The following RNF144A variants were observed in gnomAD, a reference collection of about 807,000 sequenced individuals.
RNF144A encodes ring finger protein 144A, also known as E3 ubiquitin-protein ligase RNF144A.
RNF144A carries 11 observed loss-of-function variants against 38.7 expected under a neutral mutation model. That is an observed-to-expected ratio of 0.28 (90% CI 0.18 to 0.47). The LOEUF is 0.47. Ranked by LOEUF, RNF144A falls within the 20% of genes least tolerant of loss-of-function variation. The probability of loss-of-function intolerance (pLI) is 0.99; values close to 1 mark genes in which losing one functional copy is unlikely to be tolerated. For synonymous variants in RNF144A, 149 were observed against 143.9 expected (o/e 1.04, Z -0.25); for missense variants, 316 against 377.2 (o/e 0.84, Z 1.34).
chr2:6,965,551 C>T (rs142496962), intron 2 of RNF144A, among the ~76,000 whole-genome samples: 1 of 152,170 alleles, frequency 6.6e-6, no homozygotes, highest in Non-Finnish European at 1.5e-5. Context: ...AAAACCTAAG[C>T]GCAAACAGCG....
At chr2:7,058,472 T>G (rs1673828489) in intron 6 of RNF144A, among the ~76,000 whole-genome samples, 2 of 152,146 alleles carry the variant, frequency 1.3e-5, no homozygotes, top group African/African-American at 4.8e-5. Flanking sequence ...TATCATCAAA[T>G]TGTGGCCATC....
rs1203654650 is a variant in RNF144A, at chr2:7,003,768, A to C, written c.135+6707A>C. 2.0e-5 allele frequency among the ~76,000 whole-genome samples: 3 copies of C among 152,358 alleles called. No individual in the cohort carries two copies. The East Asian group carries it at 5.8e-4, about 29-fold the overall frequency. ...TGAGCAAAGCCTGCGAGAGGGCAGC[A>C]TGCTTTGCCACCTGCCATGTGGCCA... On this transcript the variant is annotated intron_variant, in intron 3 of 8. Coordinates refer to ENST00000320892, the MANE Select transcript of RNF144A (RefSeq NM_014746.6).
At chr2:7,033,537 C>T (rs957163044) in intron 8 of RNF144A, among the ~76,000 whole-genome samples, 17 of 152,230 alleles carry the variant, frequency 1.1e-4, no homozygotes, top group African/African-American at 2.7e-4. Context: ...TTGCCCTGGC[C>T]GTTGCTGCCA....
intron 5 of RNF144A, among the ~76,000 whole-genome samples, chr2:7,015,624 A>G (rs761911755): frequency 6.6e-6 from 1 of 152,236 alleles, no homozygotes; most frequent in East Asian, 1.9e-4. Flanking sequence ...CTCCGGGGTC[A>G]TACAATGAAA....
chr2:7,016,737 A>C (rs368853907), intron 5 of RNF144A, among the ~76,000 whole-genome samples: 1 of 152,220 alleles, frequency 6.6e-6, no homozygotes. Flanking sequence ...GTTTGGAGAC[A>C]AGATCAGAAA....
At chr2:6,935,354 G>A (rs1665500928) in intron 1 of RNF144A, among the ~76,000 whole-genome samples, 1 of 152,160 alleles carries the variant, frequency 6.6e-6, no homozygotes, top group South Asian at 2.1e-4. Flanking sequence ...CTAAAATCTG[G>A]ACATCTAGCA....
rs562438289 is a variant in RNF144A at position 6,951,122 on chromosome 2, A to C, written c.-12+9975A>C. Among the ~76,000 whole-genome samples the C allele has an allele frequency of 7.9e-5, 12 of 152,298 alleles. No homozygotes were observed. The South Asian group carries it at 8.3e-4, about 11-fold the overall frequency. On this transcript the variant is annotated intron_variant, in intron 2 of 8. Coordinates refer to ENST00000320892, the MANE Select transcript of RNF144A (RefSeq NM_014746.6). ...CTCTCTTATATTTAATAGTTTTAAAAGTATTTAGAATTAACTTTTGTGTGT... is the reference window on the plus strand; with the variant it reads ...CTCTCTTATATTTAATAGTTTTAAACGTATTTAGAATTAACTTTTGTGTGT...
At chr2:7,007,490 C>T (rs766546151) in intron 3 of RNF144A, among the ~76,000 whole-genome samples, 4 of 152,170 alleles carry the variant, frequency 2.6e-5, no homozygotes, top group South Asian at 2.1e-4. Flanking sequence ...CGCACACACT[C>T]GATTTCACAG....
At chr2:6,982,669 G>A (rs976814996) in intron 2 of RNF144A, among the ~76,000 whole-genome samples, 2 of 152,156 alleles carry the variant, frequency 1.3e-5, no homozygotes, top group African/African-American at 4.8e-5. Context: ...GGAGAGAGTG[G>A]TGAGAGCCCT....
At chr2:7,026,353 G>A (rs1671892488) in intron 7 of RNF144A, among the ~76,000 whole-genome samples, 1 of 152,156 alleles carries the variant, frequency 6.6e-6, no homozygotes, top group Non-Finnish European at 1.5e-5. Context: ...TTACTTCCTA[G>A]GCAAGTTTAA....
chr2:6,938,448 A>G (rs1457080595), intron 1 of RNF144A, among the ~76,000 whole-genome samples: 2 of 151,674 alleles, frequency 1.3e-5, no homozygotes, highest in South Asian at 2.1e-4. Flanking sequence ...GGATTTCACC[A>G]TGTTGGCCAG....
rs1272368388 is a variant in RNF144A, at chr2:7,054,710, AC to A, written c.735-13504del. 9.2e-5 allele frequency among the ~76,000 whole-genome samples: 14 copies of A among 152,260 alleles called. No homozygotes were observed. The South Asian group carries it at 2.9e-3, about 32-fold the overall frequency. On this transcript the variant is annotated intron_variant, in intron 6 of 6. Transcript: ENST00000432850. ...CCATGAGAGGACCACAGCAAGGGGCACCATCTTGGAGGCAGAGAGCTGTCCT... is the reference window on the plus strand; with the variant it reads ...CCATGAGAGGACCACAGCAAGGGGCACATCTTGGAGGCAGAGAGCTGTCCT...
At chr2:6,926,214 A>AG (rs1664855242) in intron 1 of RNF144A, among the ~76,000 whole-genome samples, 1 of 152,112 alleles carries the variant, frequency 6.6e-6, no homozygotes, top group Admixed American at 6.5e-5. Context: ...GTGAGAGAGG[A>AG]GGGGGAGTTG....
At chr2:6,960,758 G>A (rs1667283307) in intron 2 of RNF144A, among the ~76,000 whole-genome samples, 1 of 152,222 alleles carries the variant, frequency 6.6e-6, no homozygotes, top group Admixed American at 6.5e-5. Context: ...GTGGAGGTAT[G>A]AGAGTTCTTT....
Position 6,985,605 on chromosome 2 carries a change from C to T in RNF144A, c.-11-11311C>T, listed in dbSNP as rs529848628. Among the ~76,000 whole-genome samples the T allele has an allele frequency of 1.5e-4, 23 of 152,204 alleles. No homozygotes were observed. The East Asian group carries it at 2.3e-3, about 15-fold the overall frequency. On this transcript the variant is annotated intron_variant, in intron 2 of 8. Coordinates refer to ENST00000320892, the MANE Select transcript of RNF144A (RefSeq NM_014746.6). ...ATGGTTTAATAGACGGAATACAACT[C>T]GAGCCACACGTGTAGCATGTGCTCT...
rs1320918434 is a variant in RNF144A at position 7,023,527 on chromosome 2, A to G, written c.510-842A>G. 2.0e-5 allele frequency among the ~76,000 whole-genome samples: 3 copies of G among 152,294 alleles called. No individual in the cohort carries two copies. The East Asian group carries it at 5.8e-4, about 29-fold the overall frequency. The stretch of plus-strand genomic sequence containing the variant: ...AGCAAATGGACCCCCATAATCAGTG[A>G]TAACTCCTCTTAACAGTTTATCATT... On this transcript the variant is annotated intron_variant, in intron 6 of 8. Transcript: ENST00000320892.
In RNF144A at chr2:7,043,119, C is replaced by T. The variant is rs772840591; in HGVS notation, c.*3359C>T. ...CTGACCTCAGGTGATCTGCCCACCTCGGCTTCCCAAAGTGCTGGAATTACA... is the reference window on the plus strand; with the variant it reads ...CTGACCTCAGGTGATCTGCCCACCTTGGCTTCCCAAAGTGCTGGAATTACA... On this transcript the variant is annotated 3_prime_UTR_variant, in exon 9 of 9. Coordinates refer to ENST00000320892, the MANE Select transcript of RNF144A (RefSeq NM_014746.6). 9.3e-5 allele frequency: 84 copies of T among 905,438 alleles called. No homozygotes were observed. The highest frequency in any genetic ancestry group is 5.6e-4 in the Middle Eastern group (1 of 1,796). 56.1% of individuals were successfully genotyped at this position (905,438 alleles called of 1,614,324 possible).
chr2:6,990,935 T>C (rs1317957768), intron 2 of RNF144A, among the ~76,000 whole-genome samples: 3 of 152,226 alleles, frequency 2.0e-5, no homozygotes, highest in Non-Finnish European at 2.9e-5. Context: ...TGGGATCATA[T>C]GTGTGTAGCC....
chr2:7,035,228 C>T (rs1474312109), intron 8 of RNF144A, among the ~76,000 whole-genome samples: 2 of 152,166 alleles, frequency 1.3e-5, no homozygotes, highest in African/African-American at 4.8e-5. Flanking sequence ...AGGCTTTGCT[C>T]CAGCTCCTGC....
Sources: gnomAD v4.1 joint callset for allele counts (sites outside exome capture counted in the v4.1 genomes callset) on GRCh38, gnomAD v4.1.1 for gene constraint, MANE v1.5 for transcripts, NCBI Gene and HGNC (gene_info 2026-07-23, HGNC 2026-07-21) for gene names.